The following NTM variants were observed in gnomAD, a reference collection of about 807,000 sequenced individuals.
NTM encodes neurotrimin.
A neutral mutation model predicts 42.1 loss-of-function variants in NTM; 13 were observed. That is an observed-to-expected ratio of 0.31 (90% CI 0.20 to 0.49). NTM has a LOEUF of 0.49. NTM is among the 20% of genes least tolerant of loss of function. NTM has a pLI of 0.99. For missense variants in NTM, 373 were observed against 452.8 expected (o/e 0.82, Z 1.60); for synonymous variants, 187 against 179.2 (o/e 1.04, Z -0.35).
chr11:132,100,852 G>C lies in NTM; in HGVS notation c.168-45430G>C, dbSNP rs137925018. Among the ~76,000 whole-genome samples the C allele has an allele frequency of 1.2e-4, 18 of 152,300 alleles. No individual in the cohort carries two copies. The East Asian group carries it at 3.5e-3, about 29-fold the overall frequency. ...TATCACTGTCAGACTTTACAAAATG[G>C]AATTTCATCAGATGGTGAGGGAAGA... On this transcript the variant is annotated intron_variant, in intron 2 of 8. Coordinates refer to ENST00000683400, the MANE Select transcript of NTM (RefSeq NM_001352005.2).
intron 3 of NTM, among the ~76,000 whole-genome samples, chr11:132,186,471 G>C (rs1406326511): frequency 6.6e-6 from 1 of 152,192 alleles, no homozygotes. Context: ...CCAGCTCCCC[G>C]AGGAACCTGC....
At chr11:131,410,760 C>A (rs971950985) in intron 1 of NTM, among the ~76,000 whole-genome samples, 9 of 151,978 alleles carry the variant, frequency 5.9e-5, no homozygotes, top group Non-Finnish European at 1.3e-4. Flanking sequence ...TATACTATTA[C>A]CCTGCTTAAA....
At chr11:132,156,346 T>C (rs1368918095) in intron 3 of NTM, among the ~76,000 whole-genome samples, 1 of 152,216 alleles carries the variant, frequency 6.6e-6, no homozygotes, top group Non-Finnish European at 1.5e-5. Flanking sequence ...CTTCCTGGAA[T>C]TCTCTTTTGC....
chr11:131,927,471 G>T (rs148843091), intron 2 of NTM, among the ~76,000 whole-genome samples: 330 of 152,290 alleles, frequency 2.2e-3, no homozygotes, highest in South Asian at 3.7e-3. Flanking sequence ...GATGGGAAGT[G>T]TATATATTTT....
At chr11:131,610,502 T>G (rs1397190780) in intron 1 of NTM, among the ~76,000 whole-genome samples, 1 of 152,198 alleles carries the variant, frequency 6.6e-6, no homozygotes, top group Non-Finnish European at 1.5e-5. Context: ...CAGTTTCATT[T>G]AGAAGAAGAC....
intron 7 of NTM, among the ~76,000 whole-genome samples, chr11:132,328,988 C>T (rs1463597205): frequency 1.3e-5 from 2 of 152,182 alleles, no homozygotes; most frequent in East Asian, 1.9e-4. Context: ...AACCCTTTCC[C>T]TCTTTGTACC....
intron 1 of NTM, chr11:131,661,046 C>T: frequency 7.7e-7 from 1 of 1,303,990 alleles, no homozygotes; most frequent in Non-Finnish European, 1.0e-6. Context: ...TGGAAGGGCA[C>T]AGGTAGGTGC....
At chr11:132,141,139 ACT>A (rs1298108607) in intron 2 of NTM, 1 of 151,266 alleles carries the variant, frequency 6.6e-6, no homozygotes, top group Non-Finnish European at 1.5e-5. Flanking sequence ...TTATTGCAAC[ACT>A]CTCTTTGCCC....
chr11:131,886,396 G>T (rs2050402043), intron 1 of NTM, among the ~76,000 whole-genome samples: 1 of 152,146 alleles, frequency 6.6e-6, no homozygotes, highest in African/African-American at 2.4e-5. Context: ...GGAGGAGACT[G>T]CCTTGGCTTG....
intron 2 of NTM, among the ~76,000 whole-genome samples, chr11:131,992,260 C>T (rs1383437650): frequency 6.6e-6 from 1 of 152,134 alleles, no homozygotes; most frequent in African/African-American, 2.4e-5. Flanking sequence ...TTAACATTTT[C>T]TCGTTTATTA....
intron 1 of NTM, among the ~76,000 whole-genome samples, chr11:131,548,315 A>G (rs2054205482): frequency 6.6e-6 from 1 of 152,138 alleles, no homozygotes; most frequent in Non-Finnish European, 1.5e-5. Context: ...TTATCCAGGA[A>G]AAAAACATCC....
chr11:131,922,631 T>C (rs2057390359), intron 2 of NTM, among the ~76,000 whole-genome samples: 1 of 152,220 alleles, frequency 6.6e-6, no homozygotes, highest in Non-Finnish European at 1.5e-5. Flanking sequence ...TCTCAAGCAC[T>C]ACCTCCGTGG....
chr11:131,995,638 A>G (rs1369309682), intron 2 of NTM, among the ~76,000 whole-genome samples: 1 of 152,088 alleles, frequency 6.6e-6, no homozygotes, highest in Non-Finnish European at 1.5e-5. Flanking sequence ...GGGCCAGATC[A>G]TGTTGGCTTG....
chr11:131,942,383 G>A (rs2134230523), intron 2 of NTM, among the ~76,000 whole-genome samples: 1 of 152,272 alleles, frequency 6.6e-6, no homozygotes, highest in East Asian at 1.9e-4. Context: ...TCCTTACTTT[G>A]ATGCAAGTGG....
At chr11:131,737,450 A>G (rs1002642348) in intron 1 of NTM, among the ~76,000 whole-genome samples, 5 of 152,202 alleles carry the variant, frequency 3.3e-5, no homozygotes, top group African/African-American at 1.2e-4. Context: ...AAGAGAAACC[A>G]TTCATGTTAT....
intron 1 of NTM, among the ~76,000 whole-genome samples, chr11:131,419,542 G>A (rs116187111): frequency 0.01 from 1,555 of 152,222 alleles, 31 homozygotes; most frequent in African/African-American, 0.036. Flanking sequence ...AATGAGGGGA[G>A]GCAGTGAGGT....
chr11:131,429,900 T>C (rs1948510817), intron 1 of NTM, among the ~76,000 whole-genome samples: 1 of 152,246 alleles, frequency 6.6e-6, no homozygotes, highest in Non-Finnish European at 1.5e-5. Context: ...ATTATGGCAC[T>C]GACATTGTAA....
intron 1 of NTM, among the ~76,000 whole-genome samples, chr11:131,892,597 G>T (rs894149467): frequency 6.6e-6 from 1 of 152,244 alleles, no homozygotes; most frequent in African/African-American, 2.4e-5. Flanking sequence ...TGACTGCATT[G>T]TCGGCATGGT....
At chr11:131,896,110 T>C (rs1456909516) in intron 1 of NTM, among the ~76,000 whole-genome samples, 1 of 152,242 alleles carries the variant, frequency 6.6e-6, no homozygotes, top group Non-Finnish European at 1.5e-5. Flanking sequence ...GGACATCATC[T>C]GATCCCTGCC....
Sources: allele counts gnomAD v4.1 joint callset (sites outside exome capture counted in the v4.1 genomes callset), GRCh38; gene constraint gnomAD v4.1.1; transcripts MANE v1.5; gene names NCBI Gene and HGNC (gene_info 2026-07-23, HGNC 2026-07-21).